HCRTR2: variants seen among roughly 807,000 people sequenced by gnomAD.
HCRTR2 encodes orexin receptor type 2.
In HCRTR2, 22 loss-of-function variants were observed where a neutral mutation model predicts 49.0. The observed-to-expected ratio is 0.45, with a 90% CI of 0.32 to 0.64. The LOEUF (loss-of-function observed/expected upper bound fraction) is 0.64. HCRTR2 is among the 30% of genes least tolerant of loss of function. The pLI, the probability that HCRTR2 is intolerant of heterozygous loss-of-function variation, is 0.04. For synonymous variants in HCRTR2, 236 were observed against 205.3 expected, an observed-to-expected ratio of 1.15 and a Z score of -1.28; for missense variants, 491 against 559.4, an observed-to-expected ratio of 0.88 and a Z score of 1.23.
chr6:55,115,967 G>A (rs1009031040), intron 1 of HCRTR2, among the ~76,000 whole-genome samples: 1 of 151,634 alleles, frequency 6.6e-6, no homozygotes, highest in Non-Finnish European at 1.5e-5. Context: ...TTTCCATAGA[G>A]CTTCAAAATG....
At chr6:55,226,879 C>T (rs192300256) in intron 1 of HCRTR2, among the ~76,000 whole-genome samples, 221 of 151,590 alleles carry the variant, frequency 1.5e-3, no homozygotes, top group Non-Finnish European at 2.3e-3. Flanking sequence ...CCACCACGCC[C>T]GGCTAATTGT....
intron 5 of HCRTR2, among the ~76,000 whole-genome samples, chr6:55,278,719 T>C (rs2088944): frequency 0.043 from 3,842 of 89,808 alleles, 189 homozygotes; most frequent in African/African-American, 0.11. Context: ...TGTGCTTTGC[T>C]TCTTATTAAT....
At chr6:55,114,692 C>G (rs1157697230) in intron 1 of HCRTR2, among the ~76,000 whole-genome samples, 1 of 151,720 alleles carries the variant, frequency 6.6e-6, no homozygotes, top group African/African-American at 2.4e-5. Context: ...CCAAAATTTT[C>G]AGATGATGAG....
intron 1 of HCRTR2, among the ~76,000 whole-genome samples, chr6:55,114,614 A>G (rs1453698958): frequency 1.3e-5 from 2 of 151,852 alleles, no homozygotes; most frequent in Non-Finnish European, 2.9e-5. Context: ...GGATACTAAT[A>G]TGGAAAAGGA....
chr6:55,241,546 C>T (rs760408207), intron 1 of HCRTR2, among the ~76,000 whole-genome samples: 4 of 151,930 alleles, frequency 2.6e-5, no homozygotes, highest in Non-Finnish European at 5.9e-5. Context: ...ACCAAGAAAT[C>T]GCAAAGTGTT....
At chr6:55,131,690 TA>T (rs1375458799) in intron 1 of HCRTR2, among the ~76,000 whole-genome samples, 1 of 151,802 alleles carries the variant, frequency 6.6e-6, no homozygotes, top group Admixed American at 6.6e-5. Context: ...ATAAGACAAT[TA>T]AAATGTTTTA....
intron 1 of HCRTR2, among the ~76,000 whole-genome samples, chr6:55,112,541 A>G (rs1162762190): frequency 6.9e-6 from 1 of 145,782 alleles, no homozygotes; most frequent in East Asian, 2.0e-4. Flanking sequence ...CCCTTTTACA[A>G]TAGCTGCAAA....
At chr6:55,116,022 G>A (rs550504585) in intron 1 of HCRTR2, among the ~76,000 whole-genome samples, 95 of 151,618 alleles carry the variant, frequency 6.3e-4, no homozygotes, top group African/African-American at 2.2e-3. Context: ...ATTTCTTGTA[G>A]CCTCATGGGA....
chr6:55,245,520 G>T (rs577970728), intron 1 of HCRTR2, among the ~76,000 whole-genome samples: 8,962 of 129,344 alleles, frequency 0.069, 556 homozygotes, highest in African/African-American at 0.16. Flanking sequence ...CCCCAAAAGT[G>T]TGCCTTGGCT....
chr6:55,132,978 C>G (rs1249215733), intron 1 of HCRTR2, among the ~76,000 whole-genome samples: 3 of 151,678 alleles, frequency 2.0e-5, no homozygotes, highest in Admixed American at 2.0e-4. Flanking sequence ...GTGTTTTGTG[C>G]AGTTATATTC....
At chr6:55,137,905 C>G in intron 1 of HCRTR2, among the ~76,000 whole-genome samples, 1 of 152,182 alleles carries the variant, frequency 6.6e-6, no homozygotes, top group Non-Finnish European at 1.5e-5. Context: ...TCATGACACA[C>G]AGGAACCACC....
At chr6:55,165,743 GAATATA>G (rs1185682839) in intron 1 of HCRTR2, among the ~76,000 whole-genome samples, 2,127 of 90,044 alleles carry the variant, frequency 0.024, 62 homozygotes, top group Admixed American at 0.032. Flanking sequence ...TTAGTATACA[GAATATA>G]TATATATATA....
At chr6:55,254,918 G>A (rs1766621262) in intron 2 of HCRTR2, among the ~76,000 whole-genome samples, 1 of 151,966 alleles carries the variant, frequency 6.6e-6, no homozygotes, top group Non-Finnish European at 1.5e-5. Flanking sequence ...ACCTTTTCAT[G>A]TTTAACAATA....
chr6:55,233,784 T>G (rs1766161911), intron 1 of HCRTR2, among the ~76,000 whole-genome samples: 1 of 152,208 alleles, frequency 6.6e-6, no homozygotes, highest in Non-Finnish European at 1.5e-5. Context: ...CTTTATTTAC[T>G]CAATTATTGA....
At chr6:55,169,228 T>C (rs1764916198) in intron 1 of HCRTR2, among the ~76,000 whole-genome samples, 1 of 151,964 alleles carries the variant, frequency 6.6e-6, no homozygotes, top group Non-Finnish European at 1.5e-5. Context: ...AAGCTTCGTA[T>C]ATATTTGTTG....
intron 1 of HCRTR2, among the ~76,000 whole-genome samples, chr6:55,180,632 T>C (rs1342400768): frequency 1.3e-5 from 2 of 152,190 alleles, no homozygotes. Context: ...ATTTTGTTAT[T>C]GAAAGTGCTA....
intron 1 of HCRTR2, among the ~76,000 whole-genome samples, chr6:55,237,019 T>A (rs1766227530): frequency 6.6e-6 from 1 of 152,140 alleles, no homozygotes; most frequent in African/African-American, 2.4e-5. Flanking sequence ...CTCTGTTCTT[T>A]AGCTTGGATA....
At chr6:55,188,607 T>C (rs1175874125) in intron 1 of HCRTR2, among the ~76,000 whole-genome samples, 2 of 152,226 alleles carry the variant, frequency 1.3e-5, no homozygotes, top group Non-Finnish European at 2.9e-5. Flanking sequence ...AGCTATTTCC[T>C]TTTCTTATTT....
intron 4 of HCRTR2, among the ~76,000 whole-genome samples, chr6:55,267,953 C>A (rs1766893573): frequency 6.6e-6 from 1 of 152,022 alleles, no homozygotes; most frequent in Admixed American, 6.6e-5. Flanking sequence ...ACAGAATAAA[C>A]ATATTTATCT....
Sources: allele counts gnomAD v4.1 joint callset (sites outside exome capture counted in the v4.1 genomes callset), GRCh38; gene constraint gnomAD v4.1.1; transcripts MANE v1.5; gene names NCBI Gene and HGNC (gene_info 2026-07-23, HGNC 2026-07-21).